The following NLRP1 variants were observed in gnomAD, a reference collection of about 807,000 sequenced individuals.
NLRP1 encodes NACHT, LRR and PYD domains-containing protein 1.
Under a neutral mutation model 136.7 loss-of-function variants are expected in NLRP1, and 94 were observed. That is an observed-to-expected ratio of 0.69 (90% CI 0.58 to 0.82). The LOEUF (loss-of-function observed/expected upper bound fraction) is 0.82. Ranked by LOEUF, NLRP1 falls within the 40% of genes least tolerant of loss-of-function variation. The probability of loss-of-function intolerance (pLI) is 0.00; values close to 1 mark genes in which losing one functional copy is unlikely to be tolerated. For synonymous variants in NLRP1, 690 were observed against 725.1 expected, an observed-to-expected ratio of 0.95 and a Z score of 0.78; for missense variants, 1,575 against 1,802.7, an observed-to-expected ratio of 0.87 and a Z score of 2.29.
chr17:5,581,376 G>T (rs1331605887), intron 3 of NLRP1, among the ~76,000 whole-genome samples: 1 of 152,196 alleles, frequency 6.6e-6, no homozygotes, highest in Non-Finnish European at 1.5e-5. Flanking sequence ...CATCTCCAGG[G>T]TATGATAATA....
Position 5,561,513 on chromosome 17 carries a change from A to G in NLRP1, c.653-1470T>C, listed in dbSNP as rs376640235. 9.5e-3 allele frequency among the ~76,000 whole-genome samples: 371 copies of G among 39,066 alleles called. 75 individuals carry two copies. The highest frequency in any genetic ancestry group is 0.035 in the East Asian group (81 of 2,344). The allele number at this position is 39,066 out of a possible 152,430, so 25.6% of individuals were successfully genotyped here. A position where few individuals can be genotyped will look rare whatever the true frequency, so the allele number is the denominator to read the frequency against. On this transcript the variant is annotated intron_variant, in intron 3 of 16. Transcript: ENST00000572272. ...CTGCGGACTGCAGTGGCGCAATCTC[A>G]GCTCACTGCAAGCTCCGCTTCCCGG...
chr17:5,574,827 A>G (rs1904844282), intron 3 of NLRP1, among the ~76,000 whole-genome samples: 1 of 151,808 alleles, frequency 6.6e-6, no homozygotes, highest in Non-Finnish European at 1.5e-5. Flanking sequence ...ACGCCCGGCT[A>G]ATTTTTTTTG....
At chr17:5,545,686 G>A (rs1252429947) in intron 5 of NLRP1, among the ~76,000 whole-genome samples, 3 of 152,202 alleles carry the variant, frequency 2.0e-5, no homozygotes, top group Admixed American at 6.5e-5. Flanking sequence ...GCTGCAGAGT[G>A]TGGCCCAAGA....
At chr17:5,524,245 A>G (rs1909258977) in intron 12 of NLRP1, among the ~76,000 whole-genome samples, 1 of 152,022 alleles carries the variant, frequency 6.6e-6, no homozygotes, top group Non-Finnish European at 1.5e-5. Flanking sequence ...CTGCGGCAAC[A>G]CCTTTTCCTA....
chr17:5,532,749 T>C (rs1204908403), intron 11 of NLRP1, 73 bp downstream of exon 11: 3 of 1,388,630 alleles, frequency 2.2e-6, no homozygotes, highest in African/African-American at 1.5e-5. Flanking sequence ...TGGCGCTGAC[T>C]GTCTGTGGGG....
chr17:5,561,339 G>A (rs1054519037), intron 3 of NLRP1, among the ~76,000 whole-genome samples: 1 of 152,100 alleles, frequency 6.6e-6, no homozygotes, highest in Non-Finnish European at 1.5e-5. Flanking sequence ...ACAGGCATGG[G>A]CCACTGCACC....
In NLRP1 at chr17:5,584,079, C is replaced by A. The variant is rs1296576061; in HGVS notation, c.-122G>T. 4 of 981,826 alleles carry A rather than the reference C, an allele frequency of 4.1e-6. No homozygotes were observed. Among genetic ancestry groups the A allele is most frequent in the Non-Finnish European group, 5.9e-6 (4 of 681,594 alleles). 60.8% of individuals were successfully genotyped at this position (981,826 alleles called of 1,614,324 possible). A position where few individuals can be genotyped will look rare whatever the true frequency, so the allele number is the denominator to read the frequency against. ...ACCGTCTCTTATTCAGCATTCGGAA[C>A]CCAGTTTTATAAATCCCAGGGCACC... On this transcript the variant is annotated 5_prime_UTR_variant, in exon 1 of 17. Transcript: ENST00000572272.
At chr17:5,511,817 TTCC>T (rs757295571), downstream of NLRP1, among the ~76,000 whole-genome samples, 84 of 140,958 alleles carry the variant, frequency 6.0e-4, no homozygotes, top group Non-Finnish European at 8.6e-4. Context: ...CCTTCCTTCC[TTCC>T]TCTTTTTCTT....
At chr17:5,578,814 A>G (rs949426310) in intron 3 of NLRP1, among the ~76,000 whole-genome samples, 1 of 152,220 alleles carries the variant, frequency 6.6e-6, no homozygotes, top group African/African-American at 2.4e-5. Context: ...ATGCACACGT[A>G]TGTTTATTGT....
intron 11 of NLRP1, among the ~76,000 whole-genome samples, chr17:5,531,336 T>A (rs1455965714): frequency 6.6e-6 from 1 of 152,088 alleles, no homozygotes; most frequent in Non-Finnish European, 1.5e-5. Flanking sequence ...CCACCTCAGC[T>A]CCCTGAGTAG....
chr17:5,542,347 C>T (rs1303266773), intron 5 of NLRP1, among the ~76,000 whole-genome samples: 1 of 152,164 alleles, frequency 6.6e-6, no homozygotes, highest in African/African-American at 2.4e-5. Context: ...TCTCTAATCT[C>T]TTTTAGGTCC....
intron 3 of NLRP1, among the ~76,000 whole-genome samples, chr17:5,572,134 A>T (rs1396140839): frequency 2.0e-5 from 3 of 152,206 alleles, no homozygotes; most frequent in Admixed American, 1.3e-4. Flanking sequence ...AAAACCTAGA[A>T]CTTTAAAAAC....
chr17:5,545,333 CACAG>C (rs1301546688), intron 5 of NLRP1, among the ~76,000 whole-genome samples: 2 of 104,470 alleles, frequency 1.9e-5, no homozygotes, highest in Non-Finnish European at 4.2e-5. Context: ...CACACAGACA[CACAG>C]ACACACACAC....
In NLRP1 at chr17:5,533,928, T is replaced by C; in HGVS notation, c.3021A>G (p.Thr1007=). 3 of 1,613,120 alleles carry C rather than the reference T, an allele frequency of 1.9e-6. No homozygotes were observed. Among genetic ancestry groups the C allele is most frequent in the Non-Finnish European group, 2.5e-6 (3 of 1,179,362 alleles). Residue 1007 remains threonine (T), a synonymous_variant, in exon 9 of 17, where the codon ACA becomes ACG. Coordinates refer to ENST00000572272, the MANE Select transcript of NLRP1 (RefSeq NM_033004.4). ...CGAGTCTCTGCCGCTTGAGTGAGGA[T>C]GTGCTATTACTCATCTCTCCCGTAT... is the stretch of plus-strand genomic sequence containing the variant. ...GLDTGEMSNS[T]SSLKRQRLGS...
chr17:5,535,397 C>T (rs1179051384), intron 8 of NLRP1, among the ~76,000 whole-genome samples: 1 of 152,160 alleles, frequency 6.6e-6, no homozygotes. Flanking sequence ...TCCCATTCCT[C>T]CAGGAGGCTA....
At chr17:5,515,146 C>T (rs1907921408) in intron 16 of NLRP1, 73 bp from the exon 17 acceptor site, 1 of 1,335,488 alleles carries the variant, frequency 7.5e-7, no homozygotes, top group African/African-American at 1.4e-5. Context: ...TTTCCTCTCT[C>T]ATCTCTGCAT....
rs1905922396 is a variant in NLRP1, at chr17:5,583,405, G to A, written c.271+282C>T. Among the ~76,000 whole-genome samples, 1 of 152,202 alleles carries A rather than the reference G, an allele frequency of 6.6e-6. No individual in the cohort carries two copies. Among genetic ancestry groups the A allele is most frequent in the Non-Finnish European group, 1.5e-5 (1 of 68,030 alleles). On this transcript the variant is annotated intron_variant, in intron 1 of 16. Coordinates refer to ENST00000572272, the MANE Select transcript of NLRP1 (RefSeq NM_033004.4). The surrounding 1 kb of genome is among the most constrained non-coding windows in gnomAD (Gnocchi z 4.5). ...AGTGCCAGGACTGGTGATAGTGCCT[G>A]ACTCCCAAGTCCGTGCTCATAACTA...
Position 5,556,113 on chromosome 17 carries a change from T to A in NLRP1, c.2357+2226A>T, listed in dbSNP as rs1482192274. ...GTCTGTCTCTGTCTCTGTCTCTCTC[T>A]CTACACACACACACACACACACACA... On this transcript the variant is annotated intron_variant, in intron 4 of 16. Transcript: ENST00000572272. Among the ~76,000 whole-genome samples the A allele has an allele frequency of 6.4e-3, 792 of 123,904 alleles. 6 individuals carry two copies. Among genetic ancestry groups the A allele is most frequent in the East Asian group, 0.024 (90 of 3,674 alleles). 81.3% of individuals were successfully genotyped at this position (123,904 alleles called of 152,430 possible). A position where few individuals can be genotyped will look rare whatever the true frequency, so the allele number is the denominator to read the frequency against.
At chr17:5,560,354 C>T (rs1597461286) in intron 3 of NLRP1, among the ~76,000 whole-genome samples, 1 of 152,332 alleles carries the variant, frequency 6.6e-6, no homozygotes, top group East Asian at 1.9e-4. Flanking sequence ...AACTCTCAGT[C>T]CTCACTAAGC....
Sources: gnomAD v4.1 joint callset for allele counts (sites outside exome capture counted in the v4.1 genomes callset) on GRCh38, gnomAD v4.1.1 for gene constraint, Gnocchi (gnomAD v3.1) non-coding constraint, MANE v1.5 for transcripts, NCBI Gene and HGNC (gene_info 2026-07-23, HGNC 2026-07-21) for gene names.